PTPRD: variants seen among roughly 807,000 people sequenced by gnomAD.
The protein encoded by PTPRD is protein tyrosine phosphatase receptor type D.
A neutral mutation model predicts 214.5 loss-of-function variants in PTPRD; 34 were observed. The observed-to-expected ratio is 0.16, with a 90% confidence interval of 0.12 to 0.21. PTPRD has a LOEUF of 0.21. Among genes scored for constraint, PTPRD ranks in the 10% least tolerant of loss-of-function variants. The pLI, the probability that PTPRD is intolerant of heterozygous loss-of-function variation, is 1.00. For synonymous variants in PTPRD, 1,128 were observed against 845.7 expected (o/e 1.33, Z -5.79); for missense variants, 2,545 against 2,398.7 (o/e 1.06, Z -1.27).
intron 8 of PTPRD, among the ~76,000 whole-genome samples, chr9:9,492,325 A>C (rs2095948531): frequency 1.0e-5 from 1 of 98,638 alleles, no homozygotes; most frequent in Non-Finnish European, 2.0e-5. Context: ...TTTACTAAAC[A>C]TAAAAAAAAA....
In PTPRD at chr9:10,522,369, T is replaced by C. The variant is rs1472322113; in HGVS notation, c.-600+90029A>G. ...CTTCAGTGGTGCTTATATATGATAA[T>C]TCAGAATTTGCACAAAGCTTTTGAG... On this transcript the variant is annotated intron_variant, in intron 2 of 45. Transcript: ENST00000381196. 8.5e-5 allele frequency among the ~76,000 whole-genome samples: 13 copies of C among 152,152 alleles called. No homozygotes were observed. The East Asian group carries it at 2.5e-3, about 29-fold the overall frequency.
intron 11 of PTPRD, among the ~76,000 whole-genome samples, chr9:8,955,621 T>C (rs1010838575): frequency 1.3e-5 from 2 of 151,704 alleles, no homozygotes; most frequent in African/African-American, 4.8e-5. Flanking sequence ...TTTTATTTTT[T>C]ATTTTTTATT....
In PTPRD at chr9:10,300,507, G is replaced by A. The variant is rs534592777; in HGVS notation, c.-545+40456C>T. Among the ~76,000 whole-genome samples the A allele has an allele frequency of 2.0e-5, 3 of 152,344 alleles. No individual in the cohort carries two copies. The East Asian group carries it at 5.8e-4, about 29-fold the overall frequency. ...CACCACCCGGAGCCCAGCAAGCTAA[G>A]ATCCTGGCTTGAAATTCTCACTGCC... On this transcript the variant is annotated intron_variant, in intron 3 of 45. Transcript: ENST00000381196.
At chr9:9,366,987 G>A (rs977238728) in intron 9 of PTPRD, among the ~76,000 whole-genome samples, 1 of 150,884 alleles carries the variant, frequency 6.6e-6, no homozygotes, top group African/African-American at 2.4e-5. Flanking sequence ...TGCGAAATTT[G>A]GTAGTAAAAT....
chr9:10,253,696 C>G (rs1439521706), intron 3 of PTPRD, among the ~76,000 whole-genome samples: 1 of 151,982 alleles, frequency 6.6e-6, no homozygotes, highest in African/African-American at 2.4e-5. Flanking sequence ...TAGTATCAGC[C>G]CATTCTATAA....
chr9:9,959,212 T>C (rs1013139938), intron 4 of PTPRD, among the ~76,000 whole-genome samples: 1 of 152,208 alleles, frequency 6.6e-6, no homozygotes, highest in African/African-American at 2.4e-5. Flanking sequence ...AAATGCACCT[T>C]TGATGGCTAA....
At chr9:8,846,776 T>G (rs1454592776) in intron 11 of PTPRD, among the ~76,000 whole-genome samples, 1 of 152,020 alleles carries the variant, frequency 6.6e-6, no homozygotes, top group Non-Finnish European at 1.5e-5. Context: ...TATGGCAAGG[T>G]GGCAAGAGAC....
intron 2 of PTPRD, among the ~76,000 whole-genome samples, chr9:10,546,495 T>C (rs1590584732): frequency 1.5e-4 from 1 of 6,866 alleles, no homozygotes; most frequent in Admixed American, 7.9e-4. Flanking sequence ...GTAGGGGAAT[T>C]TTTTTTTTTA....
intron 10 of PTPRD, among the ~76,000 whole-genome samples, chr9:9,042,016 C>A (rs2099641425): frequency 6.6e-6 from 1 of 152,154 alleles, no homozygotes; most frequent in South Asian, 2.1e-4. Flanking sequence ...TTCATTCTGG[C>A]TTGAGCATGA....
chr9:10,542,805 G>A (rs1278854990), intron 2 of PTPRD, among the ~76,000 whole-genome samples: 24 of 152,090 alleles, frequency 1.6e-4, no homozygotes, highest in Middle Eastern at 3.4e-3. Flanking sequence ...CACAACCTCC[G>A]CCTCCTGGGT....
chr9:9,736,521 G>A (rs990259583), intron 6 of PTPRD, among the ~76,000 whole-genome samples: 2 of 151,778 alleles, frequency 1.3e-5, no homozygotes, highest in Non-Finnish European at 2.9e-5. Flanking sequence ...GACATTACTG[G>A]GTCAGAAAAT....
At chr9:8,666,039 GT>G (rs35323995) in intron 12 of PTPRD, among the ~76,000 whole-genome samples, 12,276 of 144,690 alleles carry the variant, frequency 0.085, 585 homozygotes, top group East Asian at 0.18. Context: ...TTTCATAACT[GT>G]TTTTTTTTTT....
chr9:10,246,895 A>G (rs2092200451), intron 3 of PTPRD, among the ~76,000 whole-genome samples: 2 of 151,624 alleles, frequency 1.3e-5, no homozygotes. Context: ...ACTCTGTCTC[A>G]ATAAATAAAT....
chr9:9,108,752 G>C (rs1165596545), intron 10 of PTPRD, among the ~76,000 whole-genome samples: 2 of 152,140 alleles, frequency 1.3e-5, no homozygotes, highest in African/African-American at 2.4e-5. Context: ...ATAAATACCA[G>C]GTGAGCAGTA....
chr9:9,423,950 C>G (rs1000090181), intron 8 of PTPRD, among the ~76,000 whole-genome samples: 1 of 152,166 alleles, frequency 6.6e-6, no homozygotes, highest in Admixed American at 6.5e-5. Context: ...TATAATGCAC[C>G]ACTCCAAGAT....
At chr9:10,485,562 T>C (rs559708929) in intron 2 of PTPRD, among the ~76,000 whole-genome samples, 13 of 152,126 alleles carry the variant, frequency 8.5e-5, no homozygotes, top group Non-Finnish European at 1.9e-4. Flanking sequence ...GTTTTCATTA[T>C]AGGCATCTTT....
intron 3 of PTPRD, among the ~76,000 whole-genome samples, chr9:10,036,866 G>A (rs143644692): frequency 0.033 from 4,302 of 130,704 alleles, 118 homozygotes; most frequent in Admixed American, 0.1. Context: ...ACAGGCCTGA[G>A]CCAAATTTTT....
intron 12 of PTPRD, among the ~76,000 whole-genome samples, chr9:8,646,807 A>G (rs1209055985): frequency 6.6e-6 from 1 of 152,198 alleles, no homozygotes; most frequent in Non-Finnish European, 1.5e-5. Context: ...ATGAAGTCTT[A>G]TAACTCCCAA....
intron 9 of PTPRD, among the ~76,000 whole-genome samples, chr9:9,286,607 A>C (rs945929770): frequency 3.3e-5 from 5 of 151,498 alleles, no homozygotes; most frequent in African/African-American, 1.2e-4. Flanking sequence ...ACTCAAATAA[A>C]ACATGCTCTA....
Sources: gnomAD v4.1 joint callset for allele counts (sites outside exome capture counted in the v4.1 genomes callset) on GRCh38, gnomAD v4.1.1 for gene constraint, MANE v1.5 for transcripts, NCBI Gene and HGNC (gene_info 2026-07-23, HGNC 2026-07-21) for gene names.